The following LYPD6 variants were observed in gnomAD, a reference collection of about 807,000 sequenced individuals.
LYPD6 encodes LY6/PLAUR domain containing 6.
LYPD6 carries 15 observed loss-of-function variants against 22.7 expected under a neutral mutation model. The ratio of observed to expected loss-of-function variants is 0.66; its 90% CI spans 0.44 to 1.02. LYPD6 has a LOEUF of 1.02. Among genes scored for constraint, LYPD6 ranks in the 50% least tolerant of loss-of-function variants. The pLI, the probability that LYPD6 is intolerant of heterozygous loss-of-function variation, is 0.00. For missense variants in LYPD6, 189 were observed against 208.4 expected, an observed-to-expected ratio of 0.91 and a Z score of 0.57; for synonymous variants, 72 against 77.5, an observed-to-expected ratio of 0.93 and a Z score of 0.37.
At chr2:149,446,887 A>C (rs998476730) in intron 2 of LYPD6, among the ~76,000 whole-genome samples, 1 of 152,186 alleles carries the variant, frequency 6.6e-6, no homozygotes, top group African/African-American at 2.4e-5. Context: ...CTGGTCCATC[A>C]TTCTGGCCTT....
the LYPD6 span, among the ~76,000 whole-genome samples, chr2:149,479,352 G>C: frequency 2.0e-5 from 3 of 152,066 alleles, no homozygotes; most frequent in African/African-American, 7.2e-5. Flanking sequence ...TGTTATTTAA[G>C]TTTCCAGCCA....
At chr2:149,428,887 A>C (rs1451285211) in intron 1 of LYPD6, among the ~76,000 whole-genome samples, 1 of 152,222 alleles carries the variant, frequency 6.6e-6, no homozygotes, top group African/African-American at 2.4e-5. Context: ...AATAGGTAAC[A>C]TGTCAGTGAG....
rs1681309977 is a variant in LYPD6, at chr2:149,470,595, G to A, written c.349-88G>A. The stretch of plus-strand genomic sequence containing the variant: ...ATTAGGTAATTTTTACTTGCATCTT[G>A]CCATGTGGGCGACAGTGCCTTCAAA... On this transcript the variant is annotated intron_variant, in intron 4 of 4. Transcript: ENST00000334166. 8 of 1,129,054 alleles carry A rather than the reference G, an allele frequency of 7.1e-6. 1 individual carries two copies. In the South Asian group the frequency reaches 1.2e-4, roughly 16 times the overall value. The allele number at this position is 1,129,054 out of a possible 1,614,324, so 69.9% of individuals were successfully genotyped here.
intron 2 of LYPD6, among the ~76,000 whole-genome samples, chr2:149,448,838 T>C (rs1683744754): frequency 6.6e-6 from 1 of 152,228 alleles, no homozygotes; most frequent in Non-Finnish European, 1.5e-5. Flanking sequence ...CTGTTGACAT[T>C]TGTGTACAGA....
rs1681383548 is a variant in LYPD6, at chr2:149,473,246, A to C, written c.*2396A>C. On this transcript the variant is annotated 3_prime_UTR_variant, in exon 5 of 5. Transcript: ENST00000334166. ...GGTCCACAGTGGTGCAGATTCAACC[A>C]CCACCCAGGGAGTGCTTGCAGACTC... is the stretch of plus-strand genomic sequence containing the variant. The C allele has an allele frequency of 6.6e-6, 1 of 152,576 alleles. No individual in the cohort carries two copies. Among genetic ancestry groups the C allele is most frequent in the Admixed American group, 6.6e-5 (1 of 15,266 alleles). The allele number at this position is 152,576 out of a possible 1,614,324, so 9.5% of individuals were successfully genotyped here.
Position 149,470,770 on chromosome 2 carries a change from A to G in LYPD6, c.436A>G (p.Ile146Val), listed in dbSNP as rs779905171. The change falls in exon 5 of 5, where the codon ATA becomes GTA. Residue 146 changes from isoleucine (I) to valine (V), a missense_variant. Ile to Val is a conservative substitution (Grantham distance 29). Transcript: ENST00000334166. ...TDATFATTSP[I>V]NQTNGHPRCM... Reference sequence around the variant, plus strand: ...TGCCACATTTGCCACGACGTCACCTATAAATCAGACAAATGGGCACCCACG... The same window carrying G: ...TGCCACATTTGCCACGACGTCACCTGTAAATCAGACAAATGGGCACCCACG... 1.1e-5 allele frequency: 18 copies of G among 1,613,712 alleles called. No homozygotes were observed. The highest frequency in any genetic ancestry group is 5.3e-5 in the African/African-American group (4 of 74,882).
At position 149,470,645 on chromosome 2, in the gene LYPD6, C is replaced by T. The variant is rs1558819706; in HGVS notation, c.349-38C>T. 3 of 1,590,508 alleles carry T rather than the reference C, an allele frequency of 1.9e-6. No homozygotes were observed. In the African/African-American group the frequency reaches 4.0e-5, roughly 21 times the overall value. On this transcript the variant is annotated intron_variant, in intron 4 of 4. Transcript: ENST00000334166. ...AAACCCTGCCTCCTTCCAAGACATG[C>T]TGGCTTCTCATTATCTTTTTTTCTT...
At chr2:149,399,532 G>C (rs1241917357) in intron 1 of LYPD6, among the ~76,000 whole-genome samples, 4 of 151,860 alleles carry the variant, frequency 2.6e-5, no homozygotes, top group Admixed American at 6.6e-5. Context: ...GCTTTCATTA[G>C]ACTGCCAAAG....
chr2:149,366,807 T>TA (rs1410144971), intron 1 of LYPD6, among the ~76,000 whole-genome samples: 1 of 152,214 alleles, frequency 6.6e-6, no homozygotes, highest in African/African-American at 2.4e-5. Flanking sequence ...ATTTAAAAGT[T>TA]AAATAAACCA....
chr2:149,419,176 AG>A (rs1458061861), intron 1 of LYPD6, among the ~76,000 whole-genome samples: 1 of 152,218 alleles, frequency 6.6e-6, no homozygotes, highest in African/African-American at 2.4e-5. Context: ...GTTTCTTTGT[AG>A]TACTTCTGCA....
chr2:149,382,936 A>G (rs1682100895), intron 1 of LYPD6, among the ~76,000 whole-genome samples: 1 of 152,168 alleles, frequency 6.6e-6, no homozygotes, highest in Non-Finnish European at 1.5e-5. Flanking sequence ...GATCTCTTAC[A>G]ATACTCTCCA....
At chr2:149,381,404 G>A (rs971373532) in intron 1 of LYPD6, among the ~76,000 whole-genome samples, 1 of 152,130 alleles carries the variant, frequency 6.6e-6, no homozygotes, top group African/African-American at 2.4e-5. Context: ...AGGTGGCCCT[G>A]TTTTAGGAAT....
At chr2:149,478,437 T>TTTATTTG (rs1468981032), downstream of LYPD6, among the ~76,000 whole-genome samples, 1 of 151,906 alleles carries the variant, frequency 6.6e-6, no homozygotes, top group African/African-American at 2.4e-5. Context: ...TTTTTTATTT[T>TTTATTTG]TTTAGAGACA....
intron 1 of LYPD6, among the ~76,000 whole-genome samples, chr2:149,372,733 T>C (rs1189563322): frequency 2.6e-5 from 4 of 152,208 alleles, no homozygotes; most frequent in Non-Finnish European, 2.9e-5. Context: ...GGATAGTAGA[T>C]TCCTGTGAAG....
chr2:149,346,914 T>C (rs778021753), intron 1 of LYPD6, among the ~76,000 whole-genome samples: 2 of 152,216 alleles, frequency 1.3e-5, no homozygotes, highest in Non-Finnish European at 2.9e-5. Flanking sequence ...TTGGCCAGGA[T>C]GGTCTTGATC....
At chr2:149,387,900 T>C (rs1453540208) in intron 1 of LYPD6, among the ~76,000 whole-genome samples, 3 of 152,242 alleles carry the variant, frequency 2.0e-5, no homozygotes, top group Non-Finnish European at 4.4e-5. Flanking sequence ...AGGTGGGGTC[T>C]ACATGAAATA....
At chr2:149,380,314 A>G (rs1010409088) in intron 1 of LYPD6, among the ~76,000 whole-genome samples, 1 of 152,270 alleles carries the variant, frequency 6.6e-6, no homozygotes, top group Non-Finnish European at 1.5e-5. Flanking sequence ...AAGATAAGAC[A>G]TAACTTATCT....
At chr2:149,339,403 G>C (rs1681117859) in intron 1 of LYPD6, among the ~76,000 whole-genome samples, 1 of 152,154 alleles carries the variant, frequency 6.6e-6, no homozygotes, top group Non-Finnish European at 1.5e-5. Flanking sequence ...AAGCTTCCAA[G>C]GTCTCATAGG....
chr2:149,460,021 G>T (rs1371750102), intron 3 of LYPD6, among the ~76,000 whole-genome samples: 1 of 151,914 alleles, frequency 6.6e-6, no homozygotes, highest in Non-Finnish European at 1.5e-5. Flanking sequence ...GATAAGTTTT[G>T]CATATAATTT....
Sources: allele counts gnomAD v4.1 joint callset (sites outside exome capture counted in the v4.1 genomes callset), GRCh38; gene constraint gnomAD v4.1.1; transcripts MANE v1.5; gene names NCBI Gene and HGNC (gene_info 2026-07-23, HGNC 2026-07-21).